PCDHA5: variants seen among roughly 807,000 people sequenced by gnomAD.
PCDHA5 encodes protocadherin alpha-5.
A neutral mutation model predicts 61.6 loss-of-function variants in PCDHA5; 43 were observed. The ratio of observed to expected loss-of-function variants is 0.70; its 90% confidence interval spans 0.55 to 0.90. PCDHA5 has a LOEUF of 0.90. Ranked by LOEUF, PCDHA5 falls within the 40% of genes least tolerant of loss-of-function variation. The probability of loss-of-function intolerance (pLI) is 0.00; values close to 1 mark genes in which losing one functional copy is unlikely to be tolerated. For synonymous variants in PCDHA5, 627 were observed against 543.9 expected, an observed-to-expected ratio of 1.15 and a Z score of -2.13; for missense variants, 1,298 against 1,222.7, an observed-to-expected ratio of 1.06 and a Z score of -0.92.
chr5:140,872,791 G>A (rs549291235), intron 1 of PCDHA5, among the ~76,000 whole-genome samples: 1 of 152,194 alleles, frequency 6.6e-6, no homozygotes, highest in South Asian at 2.1e-4. Flanking sequence ...TATGCTAGTT[G>A]GCATTCTTCC....
At chr5:140,976,143 A>G (rs2096703250) in intron 1 of PCDHA5, among the ~76,000 whole-genome samples, 1 of 152,236 alleles carries the variant, frequency 6.6e-6, no homozygotes, top group South Asian at 2.1e-4. Flanking sequence ...GATGAAACTC[A>G]TGTACATTTT....
In PCDHA5 at chr5:140,846,712, C is replaced by A. The variant is rs1014332332; in HGVS notation, c.2352+22585C>A. Among the ~76,000 whole-genome samples, 13 of 149,346 alleles carry A rather than the reference C, an allele frequency of 8.7e-5. 2 individuals are homozygous for A. Among genetic ancestry groups the A allele is most frequent in the South Asian group, 8.5e-4 (4 of 4,692 alleles). ...TAGCAAGTAGAGAAGATTGTAATAA[C>A]CAGTCTTCATTAAACATTAAATAGG... On this transcript the variant is annotated intron_variant, in intron 1 of 3. Transcript: ENST00000529859.
At chr5:140,909,983 C>T (rs2074810620) in intron 1 of PCDHA5, among the ~76,000 whole-genome samples, 1 of 152,214 alleles carries the variant, frequency 6.6e-6, no homozygotes, top group Non-Finnish European at 1.5e-5. Context: ...GGGAGAAAGA[C>T]TAACAGCATA....
chr5:140,931,430 A>G (rs1431087207), intron 1 of PCDHA5, among the ~76,000 whole-genome samples: 2 of 149,950 alleles, frequency 1.3e-5, no homozygotes, highest in Non-Finnish European at 3.0e-5. Flanking sequence ...AGTTAGAAGG[A>G]AAATTAGCTA....
At chr5:140,893,570 G>A (rs1583135271) in intron 1 of PCDHA5, among the ~76,000 whole-genome samples, 1 of 152,154 alleles carries the variant, frequency 6.6e-6, no homozygotes, top group African/African-American at 2.4e-5. Context: ...TACTTCCTCA[G>A]TTTTTGCTTG....
intron 1 of PCDHA5, among the ~76,000 whole-genome samples, chr5:140,887,243 C>T (rs950171388): frequency 6.0e-4 from 91 of 152,060 alleles, no homozygotes; most frequent in Non-Finnish European, 1.2e-3. Context: ...ACTACCGGCG[C>T]CCGCCACCAC....
chr5:140,904,828 A>G (rs1196362639), intron 1 of PCDHA5, among the ~76,000 whole-genome samples: 7 of 151,794 alleles, frequency 4.6e-5, no homozygotes, highest in African/African-American at 1.7e-4. Flanking sequence ...GCATTTTTTT[A>G]TATGTTTCAT....
intron 1 of PCDHA5, chr5:140,852,618 T>A (rs1455728241): frequency 1.1e-6 from 1 of 941,332 alleles, no homozygotes; most frequent in Admixed American, 6.4e-5. Context: ...AAAACTTGAG[T>A]GGTCTCTGAG....
At position 140,834,723 on chromosome 5, in the gene PCDHA5, C is replaced by A. The variant is rs1187806383; in HGVS notation, c.2352+10596C>A. The A allele has an allele frequency of 3.1e-6, 5 of 1,614,158 alleles. No homozygotes were observed. The African/African-American group carries it at 6.7e-5, about 22-fold the overall frequency. On this transcript the variant is annotated intron_variant, in intron 1 of 3. Transcript: ENST00000529859. Reference sequence around the variant, plus strand: ...CCTGGAGGTGATCGTGGAAAGGCCGCTGCAGGTTTTCCATGTGGACGTGGA... The same window carrying A: ...CCTGGAGGTGATCGTGGAAAGGCCGATGCAGGTTTTCCATGTGGACGTGGA...
chr5:140,969,636 T>C (rs2096349824), intron 1 of PCDHA5: 1 of 212,100 alleles, frequency 4.7e-6, no homozygotes, highest in Non-Finnish European at 8.1e-6. Context: ...GGACAGGCCT[T>C]GGAATAGGGA....
At chr5:140,828,799 T>A in intron 1 of PCDHA5, 1 of 1,614,228 alleles carries the variant, frequency 6.2e-7, no homozygotes, top group Non-Finnish European at 8.5e-7. Flanking sequence ...TGGATGTGAA[T>A]GATAATGCTC....
intron 1 of PCDHA5, among the ~76,000 whole-genome samples, chr5:140,889,104 T>C (rs2062103050): frequency 6.6e-6 from 1 of 151,956 alleles, no homozygotes; most frequent in Admixed American, 6.6e-5. Flanking sequence ...TTTTTCATCT[T>C]TATTCCAGGT....
chr5:141,000,618 G>A (rs1354281260), intron 3 of PCDHA5, among the ~76,000 whole-genome samples: 1 of 150,858 alleles, frequency 6.6e-6, no homozygotes, highest in Non-Finnish European at 1.5e-5. Flanking sequence ...AGTAGAGACA[G>A]GGTTTCACCA....
intron 1 of PCDHA5, among the ~76,000 whole-genome samples, chr5:140,886,084 G>C (rs1554182347): frequency 6.6e-6 from 1 of 152,140 alleles, no homozygotes; most frequent in East Asian, 1.9e-4. Flanking sequence ...CCACAACCTG[G>C]ATATTGACAT....
At chr5:140,888,234 G>A (rs1554183382) in intron 1 of PCDHA5, among the ~76,000 whole-genome samples, 2 of 152,250 alleles carry the variant, frequency 1.3e-5, no homozygotes, top group East Asian at 1.9e-4. Flanking sequence ...ATGTGTGTGC[G>A]TGTTCCTTTA....
rs990142871 is a variant in PCDHA5, at chr5:140,854,493, T to G, written c.2352+30366T>G. 2.7e-5 allele frequency: 4 copies of G among 149,954 alleles called. No homozygotes were observed. The Admixed American group carries it at 2.7e-4, about 10-fold the overall frequency. The allele number at this position is 149,954 out of a possible 1,614,324, so 9.3% of individuals were successfully genotyped here. On this transcript the variant is annotated intron_variant, in intron 1 of 3. Transcript: ENST00000529859. ...AGAGAAGTATAGAAACAGAATTTAG[T>G]AGGACACATAAACTGATGGATTAAG...
At chr5:140,967,498 T>A (rs1554229623) in intron 1 of PCDHA5, 3 of 1,613,108 alleles carry the variant, frequency 1.9e-6, no homozygotes, top group Non-Finnish European at 2.5e-6. Flanking sequence ...CACAGATCTC[T>A]GTGCGTGTCC....
At chr5:140,929,276 G>A (rs1554206920) in intron 1 of PCDHA5, 2 of 1,604,822 alleles carry the variant, frequency 1.2e-6, no homozygotes, top group African/African-American at 1.3e-5. Flanking sequence ...CCAATATCCT[G>A]TATTCAGATT....
intron 1 of PCDHA5, among the ~76,000 whole-genome samples, chr5:140,846,674 T>TA (rs1434317760): frequency 1.3e-5 from 2 of 149,408 alleles, no homozygotes; most frequent in East Asian, 3.9e-4. Context: ...GCGCCCAGCC[T>TA]AAAATGCTTT....
Sources: allele counts gnomAD v4.1 joint callset (sites outside exome capture counted in the v4.1 genomes callset), GRCh38; gene constraint gnomAD v4.1.1; transcripts MANE v1.5; gene names NCBI Gene and HGNC (gene_info 2026-07-23, HGNC 2026-07-21).